NOTCH1: variants seen among roughly 807,000 people sequenced by gnomAD.
The protein encoded by NOTCH1 is neurogenic locus notch homolog protein 1.
NOTCH1 carries 37 observed loss-of-function variants against 254.8 expected under a neutral mutation model. The ratio of observed to expected loss-of-function variants is 0.15; its 90% CI spans 0.11 to 0.19. NOTCH1 has a LOEUF of 0.19. Ranked by LOEUF, NOTCH1 falls within the 10% of genes least tolerant of loss-of-function variation. The pLI, the probability that NOTCH1 is intolerant of heterozygous loss-of-function variation, is 1.00. For missense variants in NOTCH1, 2,972 were observed against 3,708.6 expected, an observed-to-expected ratio of 0.80 and a Z score of 5.16; for synonymous variants, 1,731 against 1,618.1, an observed-to-expected ratio of 1.07 and a Z score of -1.68.
At chr9:136,518,922 C>G (rs1589069165) in intron 5 of NOTCH1, 98 bp from the exon 6 acceptor site, 12 of 1,017,444 alleles carry the variant, frequency 1.2e-5, no homozygotes, top group Non-Finnish European at 1.8e-5. Context: ...CTCCAGGAAG[C>G]CTTCCTGGGC....
At position 136,500,765 on chromosome 9, in the gene NOTCH1, C is replaced by A. The variant is rs1020718980; in HGVS notation, c.5721G>T (p.Pro1907=). The change falls in exon 31 of 34, where the codon CCG becomes CCT. Residue 1907 remains proline, a synonymous_variant. Coordinates refer to ENST00000651671, the MANE Select transcript of NOTCH1 (RefSeq NM_017617.5). ...GGTAGATGAAGTCGGAGATGACGGC[C>A]GGCGCGTCCTCCTCTTCCTCGCTGT... ...TGNSEEEEDA[P]AVISDFIYQG... is the part of the protein sequence containing the mutation. 1 of 1,604,128 alleles carries A rather than the reference C, an allele frequency of 6.2e-7. No individual in the cohort carries two copies.
rs1351479106 is a variant in NOTCH1 at position 136,496,587 on chromosome 9, C to T, written c.7152G>A (p.Gln2384=). ...ATQPHLVQTQ[Q]VQPQNLQMQQ... is the part of the protein sequence containing the mutation. Reference sequence around the variant, plus strand: ...GCATCTGTAAGTTTTGTGGCTGCACCTGCTGGGTCTGCACCAGGTGAGGCT... The same window carrying T: ...GCATCTGTAAGTTTTGTGGCTGCACTTGCTGGGTCTGCACCAGGTGAGGCT... The change falls in exon 34 of 34, where the codon CAG becomes CAA. Residue 2384 remains glutamine, a synonymous_variant. Coordinates refer to ENST00000651671, the MANE Select transcript of NOTCH1 (RefSeq NM_017617.5). 2 of 1,612,676 alleles carry T rather than the reference C, an allele frequency of 1.2e-6. No individual in the cohort carries two copies. The highest frequency in any genetic ancestry group is 1.7e-6 in the Non-Finnish European group (2 of 1,179,980).
At chr9:136,523,320 C>T in intron 3 of NOTCH1, 132 bp from the exon 4 acceptor site, 2 of 968,336 alleles carry the variant, frequency 2.1e-6, no homozygotes, top group South Asian at 2.8e-5. Flanking sequence ...ATCCTCAGGA[C>T]CTGCCGTGAG....
chr9:136,526,261 C>T (rs1474733322), intron 2 of NOTCH1, among the ~76,000 whole-genome samples: 1 of 152,266 alleles, frequency 6.6e-6, no homozygotes, highest in East Asian at 1.9e-4. Context: ...GCTGTGGCCA[C>T]AGGAGGGGCG....
intron 2 of NOTCH1, among the ~76,000 whole-genome samples, chr9:136,532,509 G>C (rs2133390219): frequency 6.6e-6 from 1 of 152,280 alleles, no homozygotes; most frequent in Middle Eastern, 3.4e-3. Context: ...GGCCCCCACA[G>C]CACCAGGAAG....
At position 136,508,993 on chromosome 9, in the gene NOTCH1, G is replaced by A; in HGVS notation, c.3048C>T (p.Ser1016=). The A allele has an allele frequency of 1.3e-6, 2 of 1,560,298 alleles. No individual in the cohort carries two copies. The highest frequency in any genetic ancestry group is 8.7e-7 in the Non-Finnish European group (1 of 1,152,984). ...TCLCPPGFTG[S]YCQHDVNECD... is the part of the protein sequence containing the mutation. ...ACTCATTGACATCGTGCTGGCAGTA[G>A]CTGCCCGTGAAGCCGGGTGGACACA... The change falls in exon 19 of 34, where the codon AGC becomes AGT. Residue 1016 remains serine, a synonymous_variant. Transcript: ENST00000651671.
rs779665060 is a variant in NOTCH1 at position 136,513,142 on chromosome 9, G to A, written c.2354-8C>T. 6.2e-7 allele frequency: 1 copy of A among 1,607,288 alleles called. No homozygotes were observed. Among genetic ancestry groups the A allele is most frequent in the East Asian group, 2.2e-5 (1 of 44,842 alleles). ...TGGTCTGGCAGTTGGGACCTGGAGG[G>A]AAGGGGACAGCACTCGGCATGTCCA... On this transcript the variant is annotated splice_polypyrimidine_tract_variant and splice_region_variant and intron_variant, in intron 14 of 33. Transcript: ENST00000651671. This position sits in a 1 kb window ranked among gnomAD's most constrained non-coding sequence, Gnocchi z 4.7.
At chr9:136,537,880 G>A (rs1261722714) in intron 2 of NOTCH1, among the ~76,000 whole-genome samples, 1 of 152,164 alleles carries the variant, frequency 6.6e-6, no homozygotes, top group Non-Finnish European at 1.5e-5. Flanking sequence ...ATCACCTGAG[G>A]TTAGGAGTTT....
At chr9:136,542,924 G>C (rs1443985357) in intron 2 of NOTCH1, 1 of 152,528 alleles carries the variant, frequency 6.6e-6, no homozygotes, top group Non-Finnish European at 1.5e-5. Flanking sequence ...GTTCCCCACG[G>C]CTGATGGGCA....
intron 9 of NOTCH1, 47 bp from the exon 10 acceptor site, chr9:136,516,141 T>G: frequency 1.4e-6 from 2 of 1,405,278 alleles, no homozygotes; most frequent in African/African-American, 1.4e-5. Flanking sequence ...AACAGCACTA[T>G]GGCCCTTCAG....
chr9:136,503,638 G>C (rs1428098135), intron 26 of NOTCH1, among the ~76,000 whole-genome samples: 1 of 152,220 alleles, frequency 6.6e-6, no homozygotes, highest in Non-Finnish European at 1.5e-5. Context: ...TCTCAGGACA[G>C]AGTATGTGCC....
Position 136,505,745 on chromosome 9 carries a change from T to G in NOTCH1, c.4151A>C (p.Gln1384Pro), listed in dbSNP as rs1369097651. Reference sequence around the variant, plus strand: ...CAGGCAGGGGCTGCTGGCCGGGAACTGGCATTCGGGGCCCGTGAAGGGGCC... The same window carrying G: ...CAGGCAGGGGCTGCTGGCCGGGAACGGGCATTCGGGGCCCGTGAAGGGGCC... ...CLGPFTGPECQFPASSPCLGG... is the reference protein window; with the variant it reads ...CLGPFTGPECPFPASSPCLGG... The change falls in exon 25 of 34, where the codon CAG becomes CCG. Residue 1384 changes from glutamine (Q) to proline (P), a missense_variant. Physicochemically the swap from Gln to Pro is moderately conservative, Grantham distance 76 (BLOSUM62 -1). Coordinates refer to ENST00000651671, the MANE Select transcript of NOTCH1 (RefSeq NM_017617.5). 5 of 1,589,532 alleles carry G rather than the reference T, an allele frequency of 3.1e-6. No homozygotes were observed. The highest frequency in any genetic ancestry group is 3.4e-6 in the Non-Finnish European group (4 of 1,166,370).
chr9:136,513,928 T>C lies in NOTCH1; in HGVS notation c.2208-391A>G, dbSNP rs1335519412. ...GTTGCAGTGAGCTGAGATCATGCCATTGCACTCCAGCCTGGACAACAGAGC... is the reference window on the plus strand; with the variant it reads ...GTTGCAGTGAGCTGAGATCATGCCACTGCACTCCAGCCTGGACAACAGAGC... On this transcript the variant is annotated intron_variant, in intron 13 of 33. Transcript: ENST00000651671. This position sits in a 1 kb window ranked among gnomAD's most constrained non-coding sequence, Gnocchi z 4.7. Among the ~76,000 whole-genome samples, 1 of 152,108 alleles carries C rather than the reference T, an allele frequency of 6.6e-6. No individual in the cohort carries two copies. Among genetic ancestry groups the C allele is most frequent in the African/African-American group, 2.4e-5 (1 of 41,414 alleles).
intron 26 of NOTCH1, 28 bp downstream of exon 26, chr9:136,504,645 T>C (rs2133335518): frequency 2.0e-6 from 3 of 1,486,678 alleles, no homozygotes; most frequent in Non-Finnish European, 2.7e-6. Context: ...GTTGCGGGGA[T>C]TGACCGTGGG....
Position 136,496,313 on chromosome 9 carries a change from C to A in NOTCH1, c.7426G>T (p.Val2476Leu). ...TSLPSSLVPPVTAAQFLTPPS... is the reference protein window; with the variant it reads ...TSLPSSLVPPLTAAQFLTPPS... Reference sequence around the variant, plus strand: ...GGCGTCAGGAACTGGGCTGCGGTCACGGGTGGGACCAGCGAGGATGGCAGC... The same window carrying A: ...GGCGTCAGGAACTGGGCTGCGGTCAAGGGTGGGACCAGCGAGGATGGCAGC... The change falls in exon 34 of 34, where the codon GTG becomes TTG. Residue 2476 changes from valine to leucine, a missense_variant. Val to Leu is a conservative substitution (Grantham distance 32, BLOSUM62 1). Transcript: ENST00000651671. 1 of 1,595,156 alleles carries A rather than the reference C, an allele frequency of 6.3e-7. No individual in the cohort carries two copies. The highest frequency in any genetic ancestry group is 8.5e-7 in the Non-Finnish European group (1 of 1,170,746).
rs190467262 is a variant in NOTCH1, at chr9:136,543,782, C to T, written c.140+242G>A. On this transcript the variant is annotated intron_variant, in intron 2 of 33. Coordinates refer to ENST00000651671, the MANE Select transcript of NOTCH1 (RefSeq NM_017617.5). ...GGACTCCCACTTAGTGACCCCGGAG[C>T]CTGAGGTGGCCCACGGAGGAGTGCC... 34 of 611,574 alleles carry T rather than the reference C, an allele frequency of 5.6e-5. No homozygotes were observed. In the Admixed American group the frequency reaches 7.3e-4, roughly 13 times the overall value. The allele number at this position is 611,574 out of a possible 1,614,324, so 37.9% of individuals were successfully genotyped here.
chr9:136,508,459 C>CA, intron 19 of NOTCH1, 74 bp from the exon 20 acceptor site: 6 of 1,598,122 alleles, frequency 3.8e-6, no homozygotes, highest in Non-Finnish European at 5.1e-6. Context: ...GCACATCTGC[C>CA]AAGGGGCCTA....
rs527500638 is a variant in NOTCH1 at position 136,507,441 on chromosome 9, T to G, written c.3511-4A>C. On this transcript the variant is annotated splice_polypyrimidine_tract_variant and splice_region_variant and intron_variant, in intron 21 of 33. Transcript: ENST00000651671. Reference sequence around the variant, plus strand: ...CCCCGTGGTAGCCGGCCACGCACTGTGCAGGCGACAGAACGAGGGGCCCTT... The same window carrying G: ...CCCCGTGGTAGCCGGCCACGCACTGGGCAGGCGACAGAACGAGGGGCCCTT... 1 of 1,602,104 alleles carries G rather than the reference T, an allele frequency of 6.2e-7. No homozygotes were observed. Among genetic ancestry groups the G allele is most frequent in the South Asian group, 1.1e-5 (1 of 89,492 alleles).
At position 136,537,255 on chromosome 9, in the gene NOTCH1, A is replaced by G. The variant is rs115879943; in HGVS notation, c.140+6769T>C. Among the ~76,000 whole-genome samples the G allele has an allele frequency of 2.9e-3, 445 of 152,322 alleles. 2 individuals carry two copies. Among genetic ancestry groups the G allele is most frequent in the African/African-American group, 0.01 (427 of 41,566 alleles). On this transcript the variant is annotated intron_variant, in intron 2 of 33. Transcript: ENST00000651671. ...GGGGTCCACCTCTGGCCAGTCCCTG[A>G]TGCTTCTGGAGGCTAAAATGTAGTC...
Sources: gnomAD v4.1 joint callset for allele counts (sites outside exome capture counted in the v4.1 genomes callset) on GRCh38, gnomAD v4.1.1 for gene constraint, Gnocchi (gnomAD v3.1) non-coding constraint, MANE v1.5 for transcripts, NCBI Gene and HGNC (gene_info 2026-07-23, HGNC 2026-07-21) for gene names.